The following TEN1 variants were observed in gnomAD, a reference collection of about 807,000 sequenced individuals.
TEN1 encodes the protein TEN1 subunit of CST complex.
TEN1 carries 6 observed loss-of-function variants against 9.3 expected under a neutral mutation model. The ratio of observed to expected loss-of-function variants is 0.65; its 90% CI spans 0.35 to 1.27. The LOEUF (loss-of-function observed/expected upper bound fraction) is 1.27, where lower values mean the gene tolerates loss of function less well. TEN1 is among the 50% of genes most tolerant of loss of function. The probability of loss-of-function intolerance (pLI) is 0.03; values close to 1 mark genes in which losing one functional copy is unlikely to be tolerated. For synonymous variants in TEN1, 65 were observed against 65.6 expected, an observed-to-expected ratio of 0.99 and a Z score of 0.04; for missense variants, 149 against 158.2, an observed-to-expected ratio of 0.94 and a Z score of 0.31.
chr17:75,979,443 C>A lies in TEN1; in HGVS notation c.-75C>A. 2.7e-6 allele frequency: 1 copy of A among 372,064 alleles called. No individual in the cohort carries two copies. Among genetic ancestry groups the A allele is most frequent in the Non-Finnish European group, 5.1e-6 (1 of 194,636 alleles). 23.0% of individuals were successfully genotyped at this position (372,064 alleles called of 1,614,324 possible). Reference sequence around the variant, plus strand: ...AAAATAAAGCACTTTTTGTATCCCGCCCCTCCCCCGTCACGTGACCACGCG... The same window carrying A: ...AAAATAAAGCACTTTTTGTATCCCGACCCTCCCCCGTCACGTGACCACGCG... On this transcript the variant is annotated 5_prime_UTR_variant, in exon 1 of 4. Transcript: ENST00000397640.
At position 76,000,579 on chromosome 17, in the gene TEN1, C is replaced by T. The variant is rs2066249231; in HGVS notation, c.*317C>T. The T allele has an allele frequency of 7.7e-6, 2 of 260,548 alleles. No homozygotes were observed. Among genetic ancestry groups the T allele is most frequent in the Admixed American group, 1.0e-4 (2 of 19,488 alleles). 16.1% of individuals were successfully genotyped at this position (260,548 alleles called of 1,614,324 possible). A position where few individuals can be genotyped will look rare whatever the true frequency, so the allele number is the denominator to read the frequency against. ...GGTGAATAAAGGCCCAGGGGGCGTG[C>T]TCTTGAAGTGTGCTCGTGGTGCAGC... On this transcript the variant is annotated 3_prime_UTR_variant, in exon 4 of 4. Transcript: ENST00000397640. The surrounding 1 kb of genome is among the most constrained non-coding windows in gnomAD (Gnocchi z 5.9).
intron 3 of TEN1, among the ~76,000 whole-genome samples, chr17:75,998,039 A>G (rs2066227676): frequency 6.6e-6 from 1 of 151,890 alleles, no homozygotes. Context: ...TTTAGTAGAG[A>G]CAGGGTTTCA....
At chr17:75,980,668 C>T (rs2066111520) in intron 1 of TEN1, among the ~76,000 whole-genome samples, 2 of 152,216 alleles carry the variant, frequency 1.3e-5, no homozygotes, top group Non-Finnish European at 2.9e-5. Flanking sequence ...GTTGATCCAC[C>T]TGCCTCGGCC....
intron 2 of TEN1, among the ~76,000 whole-genome samples, chr17:75,990,145 C>T (rs752367357): frequency 2.6e-5 from 4 of 151,752 alleles, no homozygotes; most frequent in Non-Finnish European, 5.9e-5. Flanking sequence ...TCTTGGGCTC[C>T]AGTGATCCTC....
chr17:76,000,000 G>T, intron 3 of TEN1, 141 bp from the exon 4 acceptor site: 1 of 1,327,660 alleles, frequency 7.5e-7, no homozygotes, highest in Admixed American at 2.6e-5. Flanking sequence ...AGTTGCCTTT[G>T]CCCCATATGC....
intron 1 of TEN1, among the ~76,000 whole-genome samples, chr17:75,981,479 G>T (rs747127309): frequency 6.6e-6 from 1 of 152,014 alleles, no homozygotes; most frequent in Non-Finnish European, 1.5e-5. Context: ...GAGCCACTGC[G>T]CCTGGCTGGC....
intron 3 of TEN1, among the ~76,000 whole-genome samples, chr17:75,996,853 T>C (rs894020959): frequency 5.3e-5 from 8 of 152,242 alleles, no homozygotes; most frequent in Non-Finnish European, 8.8e-5. Flanking sequence ...GCTCTGGGAC[T>C]TGCCCAAACC....
chr17:76,000,230 C>A lies in TEN1; in HGVS notation c.340C>A (p.Leu114Met). 6.4e-7 allele frequency: 1 copy of A among 1,551,404 alleles called. No individual in the cohort carries two copies. Among genetic ancestry groups the A allele is most frequent in the Non-Finnish European group, 8.7e-7 (1 of 1,146,968 alleles). ...GGAACAAGCCATCCGGGAGCAGAGACTGTACAAGCAGGAGCGGGGCGGCAG... is the reference window on the plus strand; with the variant it reads ...GGAACAAGCCATCCGGGAGCAGAGAATGTACAAGCAGGAGCGGGGCGGCAG... ...LLEQAIREQR[L>M]YKQERGGSQ The change falls in exon 4 of 4, where the codon CTG (leucine) becomes ATG (methionine). Residue 114 changes from leucine (L) to methionine (M), a missense_variant. Physicochemically the swap from Leu to Met is conservative, Grantham distance 15. Coordinates refer to ENST00000397640, the MANE Select transcript of TEN1 (RefSeq NM_001113324.3). This position sits in a 1 kb window ranked among gnomAD's most constrained non-coding sequence, Gnocchi z 5.9.
At chr17:75,983,303 G>T (rs967395410) in intron 1 of TEN1, among the ~76,000 whole-genome samples, 1 of 151,564 alleles carries the variant, frequency 6.6e-6, no homozygotes, top group Admixed American at 6.6e-5. Context: ...AAGAAAGAAA[G>T]AAAAATGTAT....
intron 1 of TEN1, among the ~76,000 whole-genome samples, chr17:75,983,138 G>A (rs926091065): frequency 2.0e-5 from 3 of 151,448 alleles, no homozygotes; most frequent in Non-Finnish European, 4.4e-5. Flanking sequence ...AAAATTAGCC[G>A]GGCATGGTGG....
At chr17:75,993,236 T>G (rs948329166) in intron 3 of TEN1, among the ~76,000 whole-genome samples, 1 of 151,740 alleles carries the variant, frequency 6.6e-6, no homozygotes, top group Non-Finnish European at 1.5e-5. Flanking sequence ...TCCGAGTAGC[T>G]GGGACTACAG....
chr17:75,995,267 C>G (rs538050526), intron 3 of TEN1, among the ~76,000 whole-genome samples: 64 of 151,722 alleles, frequency 4.2e-4, no homozygotes, highest in Non-Finnish European at 7.8e-4. Flanking sequence ...TTGCTCACAC[C>G]TGTAATCCCA....
At chr17:75,980,939 C>A (rs1022216790) in intron 1 of TEN1, among the ~76,000 whole-genome samples, 1 of 152,160 alleles carries the variant, frequency 6.6e-6, no homozygotes, top group Non-Finnish European at 1.5e-5. Flanking sequence ...ACAGTGCCTG[C>A]CCCGCTAAAG....
chr17:75,994,434 CA>C (rs372733441), intron 3 of TEN1, among the ~76,000 whole-genome samples: 80 of 136,432 alleles, frequency 5.9e-4, no homozygotes, highest in East Asian at 1.3e-3. Flanking sequence ...AACTCCGTCT[CA>C]AAAAAAAAAA....
At chr17:75,998,393 G>A (rs567620993) in intron 3 of TEN1, among the ~76,000 whole-genome samples, 1 of 151,960 alleles carries the variant, frequency 6.6e-6, no homozygotes, top group Non-Finnish European at 1.5e-5. Context: ...TGATCTGCTT[G>A]TCTTGCCCTC....
rs548693305 is a variant in TEN1, at chr17:75,997,827, C to T, written c.251-2314C>T. On this transcript the variant is annotated intron_variant, in intron 3 of 3. Transcript: ENST00000397640. The stretch of plus-strand genomic sequence containing the variant: ...TTCTGACTGCTTTTTATAACCCAGG[C>T]CCTTCTTCTTTGCTCCAGGTTCTTA... Among the ~76,000 whole-genome samples the T allele has an allele frequency of 1.0e-3, 159 of 152,096 alleles. No homozygotes were observed. The Middle Eastern group carries it at 0.024, about 23-fold the overall frequency.
At chr17:75,989,278 GTTTTT>G (rs936936840) in intron 2 of TEN1, among the ~76,000 whole-genome samples, 4 of 138,178 alleles carry the variant, frequency 2.9e-5, no homozygotes, top group Non-Finnish European at 6.3e-5. Flanking sequence ...TTTTTTTTTT[GTTTTT>G]TTTTTGTTTT....
intron 1 of TEN1, among the ~76,000 whole-genome samples, chr17:75,980,743 C>G (rs1245960679): frequency 6.6e-6 from 1 of 152,164 alleles, no homozygotes; most frequent in East Asian, 1.9e-4. Flanking sequence ...CTGTGTAATA[C>G]TATGACTTTG....
In TEN1 at chr17:75,986,295, T is replaced by A; in HGVS notation, c.92+11T>A. 1 of 1,542,434 alleles carries A rather than the reference T, an allele frequency of 6.5e-7. No individual in the cohort carries two copies. The highest frequency in any genetic ancestry group is 8.8e-7 in the Non-Finnish European group (1 of 1,142,478). The stretch of plus-strand genomic sequence containing the variant: ...GAGAACATTTGGCAGGTGAGAACGG[T>A]TATTTTTTTCACTGGTGGGGGTGAT... On this transcript the variant is annotated intron_variant, in intron 2 of 3. Coordinates refer to ENST00000397640, the MANE Select transcript of TEN1 (RefSeq NM_001113324.3).
Sources: allele counts gnomAD v4.1 joint callset (sites outside exome capture counted in the v4.1 genomes callset), GRCh38; gene constraint gnomAD v4.1.1; non-coding constraint Gnocchi (gnomAD v3.1); transcripts MANE v1.5; gene names NCBI Gene and HGNC (gene_info 2026-07-23, HGNC 2026-07-21).